The following CACNA2D1 variants were observed in gnomAD, a reference collection of about 807,000 sequenced individuals.
CACNA2D1 encodes calcium voltage-gated channel auxiliary subunit alpha2delta 1, also known as voltage-dependent calcium channel subunit alpha-2/delta-1.
CACNA2D1 carries 53 observed loss-of-function variants against 171.5 expected under a neutral mutation model. The observed-to-expected ratio is 0.31, with a 90% CI of 0.25 to 0.39. The LOEUF is 0.39. Among genes scored for constraint, CACNA2D1 ranks in the 10% least tolerant of loss-of-function variants. CACNA2D1 has a pLI of 1.00. For synonymous variants in CACNA2D1, 442 were observed against 443.1 expected (o/e 1.00, Z 0.03); for missense variants, 903 against 1,299.8 (o/e 0.69, Z 4.69).
chr7:82,207,108 AC>A (rs1407934375), intron 3 of CACNA2D1, among the ~76,000 whole-genome samples: 4 of 152,182 alleles, frequency 2.6e-5, no homozygotes, highest in African/African-American at 9.7e-5. Flanking sequence ...CCCTGGCCCC[AC>A]CCACTAAATG....
At chr7:82,394,863 C>T (rs1032533116) in intron 1 of CACNA2D1, among the ~76,000 whole-genome samples, 2 of 152,134 alleles carry the variant, frequency 1.3e-5, no homozygotes, top group African/African-American at 4.8e-5. Context: ...CTGGGTTTGA[C>T]TAAAGTGAAC....
chr7:82,369,490 C>T (rs1822125665), intron 1 of CACNA2D1, among the ~76,000 whole-genome samples: 1 of 151,770 alleles, frequency 6.6e-6, no homozygotes, highest in Non-Finnish European at 1.5e-5. Context: ...TTTGCAGTAG[C>T]ATCAACATTA....
rs189607302 is a variant in CACNA2D1, at chr7:82,263,255, C to T, written c.294+71880G>A. On this transcript the variant is annotated intron_variant, in intron 3 of 38. Transcript: ENST00000356860. Reference sequence around the variant, plus strand: ...TCCCAAGTAGCTGGGATTACAGGTGCGCACCACCAAGCCTGGCTGATTTTT... The same window carrying T: ...TCCCAAGTAGCTGGGATTACAGGTGTGCACCACCAAGCCTGGCTGATTTTT... 2.5e-3 allele frequency among the ~76,000 whole-genome samples: 382 copies of T among 151,770 alleles called. 4 individuals are homozygous for T. The highest frequency in any genetic ancestry group is 8.7e-3 in the African/African-American group (359 of 41,398).
chr7:81,961,861 GAAATA>G, intron 36 of CACNA2D1, 28 bp downstream of exon 36: 1 of 1,403,028 alleles, frequency 7.1e-7, no homozygotes, highest in Non-Finnish European at 9.9e-7. Context: ...ATTTCTTAAT[GAAATA>G]GGACTACTCC....
At chr7:82,314,397 T>C (rs1814840453) in intron 3 of CACNA2D1, among the ~76,000 whole-genome samples, 2 of 152,190 alleles carry the variant, frequency 1.3e-5, no homozygotes. Context: ...GAGAATATTG[T>C]TTTCATTCCA....
chr7:82,251,019 A>T (rs1198342394), intron 3 of CACNA2D1, among the ~76,000 whole-genome samples: 2 of 152,204 alleles, frequency 1.3e-5, no homozygotes, highest in Non-Finnish European at 2.9e-5. Context: ...AAAAACTATA[A>T]GAAGCAGTCA....
intron 6 of CACNA2D1, among the ~76,000 whole-genome samples, chr7:82,101,728 T>C (rs780102811): frequency 8.5e-5 from 13 of 152,196 alleles, no homozygotes; most frequent in Non-Finnish European, 1.6e-4. Flanking sequence ...TCTTATTTTA[T>C]TGATAGTTTA....
intron 1 of CACNA2D1, among the ~76,000 whole-genome samples, chr7:82,403,165 G>A (rs552789382): frequency 3.9e-5 from 6 of 152,090 alleles, no homozygotes; most frequent in Admixed American, 1.3e-4. Context: ...AAGAGAGGAC[G>A]GAGATAAAAA....
At chr7:81,980,773 T>C (rs972270334) in intron 24 of CACNA2D1, among the ~76,000 whole-genome samples, 4 of 152,208 alleles carry the variant, frequency 2.6e-5, no homozygotes, top group Non-Finnish European at 2.9e-5. Context: ...TTGATACTCA[T>C]ACGACAGAAC....
intron 7 of CACNA2D1, among the ~76,000 whole-genome samples, chr7:82,077,439 T>G (rs1402127271): frequency 6.6e-6 from 1 of 152,138 alleles, no homozygotes; most frequent in Non-Finnish European, 1.5e-5. Flanking sequence ...AACAATAGAC[T>G]CTAAGGCAGA....
chr7:82,295,295 A>G (rs187119022), intron 3 of CACNA2D1, among the ~76,000 whole-genome samples: 2 of 152,264 alleles, frequency 1.3e-5, no homozygotes, highest in Admixed American at 6.5e-5. Context: ...AGTATAATTA[A>G]TAACAATTTA....
intron 30 of CACNA2D1, 137 bp downstream of exon 30, chr7:81,967,459 A>G (rs1307392721): frequency 3.1e-6 from 2 of 650,802 alleles, no homozygotes; most frequent in African/African-American, 3.7e-5. Context: ...AAGCTTTGAA[A>G]AAATAGGAAT....
At chr7:82,105,977 A>T (rs924076906) in intron 6 of CACNA2D1, among the ~76,000 whole-genome samples, 3 of 152,276 alleles carry the variant, frequency 2.0e-5, no homozygotes, top group Admixed American at 6.5e-5. Context: ...GTATTTTTTT[A>T]AAATAACATT....
At chr7:82,301,990 C>A (rs1813067847) in intron 3 of CACNA2D1, among the ~76,000 whole-genome samples, 2 of 151,950 alleles carry the variant, frequency 1.3e-5, no homozygotes. Context: ...GAACTCCTGA[C>A]CTCAGGTAAT....
intron 3 of CACNA2D1, among the ~76,000 whole-genome samples, chr7:82,262,778 A>C (rs946996264): frequency 1.3e-5 from 2 of 151,976 alleles, no homozygotes; most frequent in African/African-American, 4.8e-5. Flanking sequence ...TGAAGCTAAA[A>C]TTTTTCTCTC....
intron 1 of CACNA2D1, among the ~76,000 whole-genome samples, chr7:82,371,402 GT>G (rs1822393554): frequency 6.6e-6 from 1 of 151,968 alleles, no homozygotes; most frequent in Non-Finnish European, 1.5e-5. Flanking sequence ...AATTCACAAG[GT>G]TTTTGTAAGG....
chr7:82,426,437 A>G (rs904353980), intron 1 of CACNA2D1, among the ~76,000 whole-genome samples: 1 of 152,084 alleles, frequency 6.6e-6, no homozygotes, highest in Non-Finnish European at 1.5e-5. Flanking sequence ...CTCAGATACA[A>G]ATTCTTGAAA....
In CACNA2D1 at chr7:81,982,585, T is replaced by C. The variant is rs1189396595; in HGVS notation, c.1937A>G (p.Tyr646Cys). 1.9e-6 allele frequency: 3 copies of C among 1,606,554 alleles called. No individual in the cohort carries two copies. Among genetic ancestry groups the C allele is most frequent in the Admixed American group, 3.3e-5 (2 of 59,982 alleles). The stretch of plus-strand genomic sequence containing the variant: ...AACCAACCTTGGTGCTATGAATGTA[T>C]AGCCAGATTCTTCAAAATTATCTGG... ...LKPDNFEESG[Y>C]TFIAPRDYCN... Residue 646 changes from tyrosine to cysteine, a missense_variant, in exon 24 of 39, where the codon TAT (tyrosine) becomes TGT (cysteine). Around this residue, in one of 5 missense-constraint regions of CACNA2D1, gnomAD observed 623 missense variants for 925.5 expected, o/e 0.67. Coordinates refer to ENST00000356860, the MANE Select transcript of CACNA2D1 (RefSeq NM_000722.4).
At chr7:82,262,091 G>C (rs1297175956) in intron 3 of CACNA2D1, among the ~76,000 whole-genome samples, 3 of 152,206 alleles carry the variant, frequency 2.0e-5, no homozygotes, top group Admixed American at 6.5e-5. Context: ...CAGCACTTTG[G>C]GAGGCCGAGG....
Sources: allele counts gnomAD v4.1 joint callset (sites outside exome capture counted in the v4.1 genomes callset), GRCh38; gene constraint gnomAD v4.1.1; regional missense constraint gnomAD v4.1.1; transcripts MANE v1.5; gene names NCBI Gene and HGNC (gene_info 2026-07-23, HGNC 2026-07-21).